KDM4C: variants seen among roughly 807,000 people sequenced by gnomAD.
KDM4C encodes lysine demethylase 4C, also known as lysine-specific demethylase 4C.
A neutral mutation model predicts 129.3 loss-of-function variants in KDM4C; 81 were observed. That is an observed-to-expected ratio of 0.63 (90% CI 0.52 to 0.75). The LOEUF (loss-of-function observed/expected upper bound fraction) is 0.75. Ranked by LOEUF, KDM4C falls within the 30% of genes least tolerant of loss-of-function variation. KDM4C has a pLI of 0.00. For missense variants in KDM4C, 1,457 were observed against 1,304.0 expected, an observed-to-expected ratio of 1.12 and a Z score of -1.81; for synonymous variants, 573 against 456.1, an observed-to-expected ratio of 1.26 and a Z score of -3.26.
intron 19 of KDM4C, among the ~76,000 whole-genome samples, chr9:7,163,610 G>A (rs368585066): frequency 6.6e-6 from 1 of 151,988 alleles, no homozygotes; most frequent in Non-Finnish European, 1.5e-5. Flanking sequence ...GAGCTGATGC[G>A]ACTCTCTAAC....
intron 19 of KDM4C, among the ~76,000 whole-genome samples, chr9:7,143,269 T>C (rs1392327374): frequency 6.6e-6 from 1 of 152,244 alleles, no homozygotes; most frequent in Non-Finnish European, 1.5e-5. Context: ...GGATGCTAAC[T>C]AACCTTGTTA....
chr9:7,170,771 A>C lies in KDM4C; in HGVS notation c.2994+881A>C, dbSNP rs1440272044. 5.1e-6 allele frequency: 5 copies of C among 983,864 alleles called. No homozygotes were observed. The East Asian group carries it at 4.5e-4, about 89-fold the overall frequency. The allele number at this position is 983,864 out of a possible 1,614,324, so 60.9% of individuals were successfully genotyped here. A position where few individuals can be genotyped will look rare whatever the true frequency, so the allele number is the denominator to read the frequency against. On this transcript the variant is annotated intron_variant, in intron 21 of 21. Transcript: ENST00000381309. ...TATACTTGTCTGCAGTGATAGAGTC[A>C]CTATAGATTATTTGGTTATTTTGGA...
At chr9:6,896,329 G>T (rs1211449092) in intron 8 of KDM4C, among the ~76,000 whole-genome samples, 1 of 152,092 alleles carries the variant, frequency 6.6e-6, no homozygotes, top group Non-Finnish European at 1.5e-5. Flanking sequence ...GATGCCACCT[G>T]CTTTACCTGT....
intron 8 of KDM4C, among the ~76,000 whole-genome samples, chr9:6,974,565 C>T (rs1013502290): frequency 2.0e-5 from 3 of 152,188 alleles, no homozygotes; most frequent in African/African-American, 4.8e-5. Context: ...ACCATGATGG[C>T]CAGGCTGGTC....
At chr9:7,166,352 A>T (rs1254797638) in intron 20 of KDM4C, among the ~76,000 whole-genome samples, 1 of 152,232 alleles carries the variant, frequency 6.6e-6, no homozygotes, top group Non-Finnish European at 1.5e-5. Flanking sequence ...AAGGTGTTCA[A>T]AGAAGTTTGA....
intron 8 of KDM4C, among the ~76,000 whole-genome samples, chr9:6,926,230 A>C (rs1822495031): frequency 6.6e-6 from 1 of 151,866 alleles, no homozygotes; most frequent in Admixed American, 6.6e-5. Context: ...GTAGGACTCA[A>C]CTGTGAGAGG....
intron 12 of KDM4C, among the ~76,000 whole-genome samples, chr9:7,007,566 G>A (rs777283716): frequency 6.6e-6 from 1 of 152,176 alleles, no homozygotes; most frequent in African/African-American, 2.4e-5. Flanking sequence ...TAAGATTGAA[G>A]CCTACATCAG....
chr9:6,800,226 G>A (rs916970502), intron 2 of KDM4C, among the ~76,000 whole-genome samples: 1 of 152,108 alleles, frequency 6.6e-6, no homozygotes, highest in Non-Finnish European at 1.5e-5. Context: ...AATTAGTCGG[G>A]TGTGGTGGTG....
chr9:6,785,656 C>T (rs1410995505), intron 1 of KDM4C, among the ~76,000 whole-genome samples: 1 of 152,206 alleles, frequency 6.6e-6, no homozygotes. Flanking sequence ...CCTAAAAGGA[C>T]ACCAGTCATA....
intron 1 of KDM4C, chr9:6,721,033 G>C: frequency 6.5e-7 from 1 of 1,527,172 alleles, no homozygotes; most frequent in Non-Finnish European, 8.9e-7. Flanking sequence ...AGGACACTTT[G>C]TACATAGTTG....
intron 17 of KDM4C, among the ~76,000 whole-genome samples, chr9:7,090,941 TTC>T (rs1267703582): frequency 1.3e-5 from 2 of 152,204 alleles, no homozygotes; most frequent in Non-Finnish European, 2.9e-5. Context: ...GTACATCCTA[TTC>T]ATGTCCATTA....
intron 8 of KDM4C, among the ~76,000 whole-genome samples, chr9:6,934,256 C>T (rs1824306932): frequency 6.6e-6 from 1 of 151,824 alleles, no homozygotes; most frequent in Non-Finnish European, 1.5e-5. Context: ...CGGAGGCAGG[C>T]TGATCATGAA....
intron 5 of KDM4C, among the ~76,000 whole-genome samples, chr9:6,870,225 C>T (rs111474374): frequency 1.9e-4 from 29 of 152,032 alleles, no homozygotes; most frequent in African/African-American, 5.6e-4. Context: ...TTTGTATCTG[C>T]GGTTTATTTA....
In KDM4C at chr9:6,939,982, C is replaced by A. The variant is rs1193101783; in HGVS notation, c.922-40943C>A. On this transcript the variant is annotated intron_variant, in intron 8 of 21. Transcript: ENST00000381309. ...CCAACCTACCTACCTACCTACCTTC[C>A]TTCCTTCCTTCCTTCCTTCCTTCCT... 3.1e-5 allele frequency among the ~76,000 whole-genome samples: 3 copies of A among 95,696 alleles called. No individual in the cohort carries two copies. In the East Asian group the frequency reaches 8.4e-4, roughly 27 times the overall value. 62.8% of individuals were successfully genotyped at this position (95,696 alleles called of 152,430 possible).
intron 5 of KDM4C, among the ~76,000 whole-genome samples, chr9:6,874,931 T>C (rs1050292213): frequency 5.3e-5 from 7 of 133,038 alleles, no homozygotes; most frequent in African/African-American, 1.9e-4. Flanking sequence ...TCTCTACAGT[T>C]AAAAAAAAAA....
At position 7,020,533 on chromosome 9, in the gene KDM4C, A is replaced by C. The variant is rs529943354; in HGVS notation, c.2259+4604A>C. On this transcript the variant is annotated intron_variant, in intron 15 of 21. Transcript: ENST00000381309. ...AGCAATTTTTCCTCCTTTGTTATAT[A>C]ATCATTTTAGAGCACGTTCCAAACA... 1.8e-4 allele frequency among the ~76,000 whole-genome samples: 28 copies of C among 152,314 alleles called. No individual in the cohort carries two copies. The South Asian group carries it at 5.6e-3, about 30-fold the overall frequency.
intron 1 of KDM4C, chr9:6,735,031 T>G (rs1381600507): frequency 4.0e-6 from 2 of 496,316 alleles, no homozygotes; most frequent in Admixed American, 4.4e-5. Context: ...ATTGTAAGAG[T>G]TTCTCATGGG....
chr9:6,996,692 A>G (rs1819820201), intron 12 of KDM4C, among the ~76,000 whole-genome samples: 1 of 152,236 alleles, frequency 6.6e-6, no homozygotes, highest in Admixed American at 6.5e-5. Context: ...ACCATGTGCT[A>G]GTGGTGAGTA....
At chr9:6,854,525 C>CAAAAAAAAAAAAAAAAAAAA (rs1177446839) in intron 5 of KDM4C, among the ~76,000 whole-genome samples, 2 of 41,360 alleles carry the variant, frequency 4.8e-5, no homozygotes, top group Admixed American at 2.9e-4. Context: ...AACTCCGTCT[C>CAAAAAAAAAAAAAAAAAAAA]AAAAAAAAAA....
Sources: gnomAD v4.1 joint callset for allele counts (sites outside exome capture counted in the v4.1 genomes callset) on GRCh38, gnomAD v4.1.1 for gene constraint, MANE v1.5 for transcripts, NCBI Gene and HGNC (gene_info 2026-07-23, HGNC 2026-07-21) for gene names.